The following THSD4 variants were observed in gnomAD, a reference collection of about 807,000 sequenced individuals.
THSD4 encodes thrombospondin type-1 domain-containing protein 4.
THSD4 carries 69 observed loss-of-function variants against 119.0 expected under a neutral mutation model. The observed-to-expected ratio is 0.58, with a 90% CI of 0.48 to 0.71. The LOEUF is 0.71. THSD4 is among the 30% of genes least tolerant of loss of function. The pLI is 0.00. For missense variants in THSD4, 1,393 were observed against 1,391.1 expected, an observed-to-expected ratio of 1.00 and a Z score of -0.02; for synonymous variants, 524 against 540.4, an observed-to-expected ratio of 0.97 and a Z score of 0.42.
intron 7 of THSD4, among the ~76,000 whole-genome samples, chr15:71,554,163 C>T (rs1217198778): frequency 4.1e-5 from 6 of 146,686 alleles, no homozygotes; most frequent in Non-Finnish European, 4.5e-5. Flanking sequence ...GATCTCAGCT[C>T]ACTGCAAGCT....
At chr15:71,661,398 TTTA>T (rs2051303017) in intron 8 of THSD4, among the ~76,000 whole-genome samples, 1 of 107,460 alleles carries the variant, frequency 9.3e-6, no homozygotes. Flanking sequence ...TATTTATTTA[TTTA>T]TTTTTTTTTT....
Position 71,464,333 on chromosome 15 carries a change from T to C in THSD4, c.1152+52510T>C, listed in dbSNP as rs781524349. ...TGGGTGGCCATATAGATGAGAAGAC[T>C]GGGTTCCAGTTCCCAAGTTGCTGGT... On this transcript the variant is annotated intron_variant, in intron 7 of 17. Coordinates refer to ENST00000261862, the MANE Select transcript of THSD4 (RefSeq NM_024817.3). Among the ~76,000 whole-genome samples the C allele has an allele frequency of 1.0e-3, 153 of 152,212 alleles. 3 individuals carry two copies. Among genetic ancestry groups the C allele is most frequent in the Non-Finnish European group, 3.4e-4 (23 of 68,032 alleles).
Position 71,728,679 on chromosome 15 carries a change from G to T in THSD4, c.1488G>T (p.Glu496Asp). The T allele has an allele frequency of 6.2e-7, 1 of 1,614,218 alleles. No homozygotes were observed. The highest frequency in any genetic ancestry group is 8.5e-7 in the Non-Finnish European group (1 of 1,180,044). Reference sequence around the variant, plus strand: ...ATGAGATTTCGAGCACTGCCGGAGAGTCCTTTTTGGCGGAAGGTCCCACCA... The same window carrying T: ...ATGAGATTTCGAGCACTGCCGGAGATTCCTTTTTGGCGGAAGGTCCCACCA... ...RPNEISSTAG[E>D]SFLAEGPTNE... The change falls in exon 9 of 18, where the codon GAG becomes GAT. Residue 496 changes from glutamate to aspartate, a missense_variant. Glu to Asp is a conservative substitution (Grantham distance 45, BLOSUM62 2). Coordinates refer to ENST00000261862, the MANE Select transcript of THSD4 (RefSeq NM_024817.3).
At chr15:71,136,958 C>T (rs1350403603) in intron 1 of THSD4, among the ~76,000 whole-genome samples, 1 of 152,184 alleles carries the variant, frequency 6.6e-6, no homozygotes, top group Non-Finnish European at 1.5e-5. Context: ...TCTGACCCCA[C>T]CGTCCTGAGC....
Position 71,197,829 on chromosome 15 carries a change from G to A in THSD4, c.100-17206G>A, listed in dbSNP as rs1052787354. ...CCCCTGAATATCCTTACTGGGCTCT[G>A]GGAAGTGAGCAAGTGGTTATAGGGT... is the stretch of plus-strand genomic sequence containing the variant. On this transcript the variant is annotated intron_variant, in intron 3 of 17. Transcript: ENST00000261862. 2.6e-5 allele frequency among the ~76,000 whole-genome samples: 4 copies of A among 152,138 alleles called. 1 individual carries two copies. Among genetic ancestry groups the A allele is most frequent in the Non-Finnish European group, 4.4e-5 (3 of 68,036 alleles).
chr15:71,626,968 T>G (rs564053898), intron 7 of THSD4, among the ~76,000 whole-genome samples: 1 of 152,282 alleles, frequency 6.6e-6, no homozygotes, highest in East Asian at 1.9e-4. Context: ...ACTGTCTACG[T>G]CTAATATTTG....
intron 7 of THSD4, among the ~76,000 whole-genome samples, chr15:71,447,235 C>T (rs1334985809): frequency 2.0e-5 from 3 of 150,102 alleles, no homozygotes; most frequent in Admixed American, 6.7e-5. Flanking sequence ...ATTCTCCTGC[C>T]TCAGCCTCCC....
chr15:71,681,596 A>AC, intron 8 of THSD4, among the ~76,000 whole-genome samples: 1 of 149,842 alleles, frequency 6.7e-6, no homozygotes. Flanking sequence ...AATCGATTGA[A>AC]CCGGGGGGGT....
At position 71,353,416 on chromosome 15, in the gene THSD4, T is replaced by A. The variant is rs530672753; in HGVS notation, c.1016-58271T>A. ...CATGTGATTCAGCTTTTTCACAGTT[T>A]GCTTTACTAGAGCAAGTCAGAGCAG... On this transcript the variant is annotated intron_variant, in intron 6 of 17. Transcript: ENST00000261862. Among the ~76,000 whole-genome samples, 28 of 152,354 alleles carry A rather than the reference T, an allele frequency of 1.8e-4. 1 individual carries two copies. The South Asian group carries it at 5.8e-3, about 32-fold the overall frequency.
intron 6 of THSD4, among the ~76,000 whole-genome samples, chr15:71,298,004 A>G (rs1343816539): frequency 6.6e-6 from 1 of 152,158 alleles, no homozygotes; most frequent in Admixed American, 6.5e-5. Flanking sequence ...TGTCGTATCT[A>G]AGAATTCATT....
At chr15:71,698,611 G>A (rs1182322173) in intron 8 of THSD4, among the ~76,000 whole-genome samples, 1 of 140,822 alleles carries the variant, frequency 7.1e-6, no homozygotes, top group Non-Finnish European at 1.6e-5. Flanking sequence ...ACGAATGGAT[G>A]AAGAACTTGT....
chr15:71,654,705 G>A (rs1254114901), intron 7 of THSD4, among the ~76,000 whole-genome samples: 3 of 152,154 alleles, frequency 2.0e-5, no homozygotes, highest in African/African-American at 2.4e-5. Context: ...TTAGCTCACC[G>A]TAAATATAAG....
rs922573399 is a variant in THSD4 at position 71,431,299 on chromosome 15, C to T, written c.1152+19476C>T. The stretch of plus-strand genomic sequence containing the variant: ...ACAGTTTTATGAGTCCAGCTTTTTC[C>T]ATTGGAATTATTAAAATTTTTATAC... On this transcript the variant is annotated intron_variant, in intron 7 of 17. Transcript: ENST00000261862. Among the ~76,000 whole-genome samples, 32 of 152,232 alleles carry T rather than the reference C, an allele frequency of 2.1e-4. 1 individual carries two copies. The highest frequency in any genetic ancestry group is 7.2e-4 in the African/African-American group (30 of 41,540).
chr15:71,180,848 G>A (rs370538827), intron 3 of THSD4, among the ~76,000 whole-genome samples: 322 of 152,106 alleles, frequency 2.1e-3, no homozygotes, highest in African/African-American at 7.5e-3. Context: ...GAGCAGGGTT[G>A]GGATTACATG....
intron 7 of THSD4, among the ~76,000 whole-genome samples, chr15:71,573,312 G>A (rs1206538373): frequency 6.6e-6 from 1 of 152,200 alleles, no homozygotes; most frequent in Non-Finnish European, 1.5e-5. Flanking sequence ...GGTGGTGGCA[G>A]TGAGAATAGA....
intron 6 of THSD4, among the ~76,000 whole-genome samples, chr15:71,351,688 G>C (rs1035454262): frequency 4.6e-5 from 7 of 152,234 alleles, no homozygotes; most frequent in African/African-American, 1.7e-4. Context: ...TGTCACCAGT[G>C]AGTGGAGATG....
intron 7 of THSD4, among the ~76,000 whole-genome samples, chr15:71,606,908 G>A (rs2050121349): frequency 6.6e-6 from 1 of 152,220 alleles, no homozygotes; most frequent in East Asian, 1.9e-4. Context: ...TTTGGAGGAG[G>A]GGAAAAAGCA....
chr15:71,280,046 T>C (rs570514342), intron 6 of THSD4, among the ~76,000 whole-genome samples: 32 of 152,330 alleles, frequency 2.1e-4, no homozygotes, highest in Non-Finnish European at 1.3e-4. Context: ...TATTGGTGAC[T>C]GGGTGCCTGC....
At chr15:71,108,492 AG>A (rs1181540438) in intron 1 of THSD4, among the ~76,000 whole-genome samples, 1 of 152,214 alleles carries the variant, frequency 6.6e-6, no homozygotes, top group Non-Finnish European at 1.5e-5. Flanking sequence ...AGATGTCCTA[AG>A]TAGTTTCCAT....
Sources: allele counts gnomAD v4.1 joint callset (sites outside exome capture counted in the v4.1 genomes callset), GRCh38; gene constraint gnomAD v4.1.1; transcripts MANE v1.5; gene names NCBI Gene and HGNC (gene_info 2026-07-23, HGNC 2026-07-21).